Variants in REDIC1 observed in about 807,000 individuals in gnomAD.
REDIC1 encodes HEI10 Interacting Protein 1.
the REDIC1 span, among the ~76,000 whole-genome samples, chr12:39,771,225 GC>G: frequency 6.6e-6 from 1 of 152,094 alleles, no homozygotes; most frequent in East Asian, 1.9e-4. Flanking sequence ...TGATTTTCAT[GC>G]CTTGTGTAGT....
the REDIC1 span, among the ~76,000 whole-genome samples, chr12:39,817,746 C>G: frequency 1.3e-5 from 2 of 152,172 alleles, no homozygotes; most frequent in African/African-American, 4.8e-5. Flanking sequence ...ATGCCAAACA[C>G]TAAATCTATG....
At chr12:39,772,822 C>T in the REDIC1 span, among the ~76,000 whole-genome samples, 1 of 152,016 alleles carries the variant, frequency 6.6e-6, no homozygotes, top group Non-Finnish European at 1.5e-5. Flanking sequence ...AAGCTTTTTG[C>T]CATCTGGCTA....
the REDIC1 span, among the ~76,000 whole-genome samples, chr12:39,653,538 T>TCTTCTTCTTC: frequency 0.035 from 2,340 of 66,708 alleles, 200 homozygotes; most frequent in Non-Finnish European, 0.059. Context: ...TTCTTCTTCT[T>TCTTCTTCTTC]TTTCTTCTTC....
chr12:39,674,070 G>A, the REDIC1 span, among the ~76,000 whole-genome samples: 2 of 152,108 alleles, frequency 1.3e-5, no homozygotes, highest in Admixed American at 1.3e-4. Flanking sequence ...ATTCTTTTCA[G>A]TTTTTTAGGA....
chr12:39,776,630 G>A, the REDIC1 span, among the ~76,000 whole-genome samples: 2 of 152,242 alleles, frequency 1.3e-5, no homozygotes, highest in Admixed American at 6.5e-5. Context: ...AGTTGACAGT[G>A]ATGGAGAAGA....
the REDIC1 span, among the ~76,000 whole-genome samples, chr12:39,833,579 C>T: frequency 3.3e-5 from 5 of 152,066 alleles, no homozygotes; most frequent in African/African-American, 1.2e-4. Context: ...TCTTTCTGAA[C>T]ACTTTTCAAC....
At chr12:39,764,039 A>T in the REDIC1 span, among the ~76,000 whole-genome samples, 1 of 152,134 alleles carries the variant, frequency 6.6e-6, no homozygotes, top group East Asian at 1.9e-4. Context: ...AGCCCTACGC[A>T]GATTCTGCTC....
At chr12:39,650,811 AGT>A in the REDIC1 span, among the ~76,000 whole-genome samples, 4 of 152,254 alleles carry the variant, frequency 2.6e-5, no homozygotes, top group Admixed American at 6.5e-5. This position sits in a 1 kb window ranked among gnomAD's most constrained non-coding sequence, Gnocchi z 4.3. Context: ...TCTGGCCTCA[AGT>A]GATCTGCCCA....
the REDIC1 span, among the ~76,000 whole-genome samples, chr12:39,900,234 A>T: frequency 6.6e-6 from 1 of 152,160 alleles, no homozygotes; most frequent in Non-Finnish European, 1.5e-5. Flanking sequence ...AGCCAATATC[A>T]TACTGAATGG....
the REDIC1 span, among the ~76,000 whole-genome samples, chr12:39,711,810 TGTGTGTACACATGC>T: frequency 2.6e-5 from 1 of 38,170 alleles, no homozygotes; most frequent in Non-Finnish European, 4.9e-5. Flanking sequence ...TGCATGTGTA[TGTGTGTACACATGC>T]ATGTGTATAT....
chr12:39,701,526 T>A, the REDIC1 span, among the ~76,000 whole-genome samples: 3 of 152,044 alleles, frequency 2.0e-5, no homozygotes, highest in African/African-American at 4.8e-5. Flanking sequence ...ATTAGACAGA[T>A]CAATGAGACA....
the REDIC1 span, chr12:39,626,504 C>G: frequency 9.9e-7 from 1 of 1,010,028 alleles, no homozygotes; most frequent in African/African-American, 1.6e-5. Context: ...GGGTTGGAGA[C>G]TCTAGAACCA....
At chr12:39,626,454 G>T in the REDIC1 span, 1 of 1,504,096 alleles carries the variant, frequency 6.6e-7, no homozygotes, top group Non-Finnish European at 9.2e-7. Context: ...TAGCTGGAAA[G>T]AACTTGGTAG....
At chr12:39,647,717 T>A in the REDIC1 span, 2 of 1,098,924 alleles carry the variant, frequency 1.8e-6, no homozygotes, top group Non-Finnish European at 1.2e-6. Context: ...TTATTTTAAT[T>A]TCACTATTTT....
chr12:39,896,253 T>C, the REDIC1 span, among the ~76,000 whole-genome samples: 47 of 99,882 alleles, frequency 4.7e-4, no homozygotes, highest in South Asian at 2.0e-3. Context: ...TGTATACATG[T>C]ATGTATATGT....
chr12:39,714,884 GC>G, the REDIC1 span, among the ~76,000 whole-genome samples: 126 of 151,836 alleles, frequency 8.3e-4, no homozygotes, highest in African/African-American at 2.9e-3. Flanking sequence ...GTCTATTCAT[GC>G]CCTTAGCCCA....
At chr12:39,712,460 A>G in the REDIC1 span, among the ~76,000 whole-genome samples, 3 of 141,664 alleles carry the variant, frequency 2.1e-5, no homozygotes, top group East Asian at 4.2e-4. Context: ...ATACGTATAT[A>G]TACGTATGTA....
the REDIC1 span, among the ~76,000 whole-genome samples, chr12:39,635,029 G>C: frequency 1.3e-5 from 2 of 151,846 alleles, no homozygotes; most frequent in African/African-American, 4.8e-5. Context: ...AGACACAACA[G>C]ACATATGCAA....
the REDIC1 span, among the ~76,000 whole-genome samples, chr12:39,784,296 G>A: frequency 2.0e-5 from 3 of 152,124 alleles, no homozygotes; most frequent in African/African-American, 7.2e-5. Context: ...AACAAAGCTG[G>A]AGGCATCACG....
Sources: gnomAD v4.1 joint callset for allele counts (sites outside exome capture counted in the v4.1 genomes callset) on GRCh38, gnomAD v4.1.1 for gene constraint, Gnocchi (gnomAD v3.1) non-coding constraint, MANE v1.5 for transcripts, NCBI Gene and HGNC (gene_info 2026-07-23, HGNC 2026-07-21) for gene names.